ARK2C: variants seen among roughly 807,000 people sequenced by gnomAD.
The protein encoded by ARK2C is arkadia (RNF111) C-terminal like ring finger ubiquitin ligase 2C.
At chr18:46,382,878 G>A in the ARK2C span, among the ~76,000 whole-genome samples, 3 of 152,216 alleles carry the variant, frequency 2.0e-5, no homozygotes, top group South Asian at 2.1e-4. Context: ...CTCCTGGACC[G>A]TCAGAGCCTC....
At chr18:46,454,104 C>T in the ARK2C span, among the ~76,000 whole-genome samples, 3 of 115,778 alleles carry the variant, frequency 2.6e-5, no homozygotes, top group East Asian at 6.8e-4. Context: ...GAGGGCAAGG[C>T]CGTCTCAAAA....
the ARK2C span, among the ~76,000 whole-genome samples, chr18:46,439,263 A>G: frequency 6.6e-6 from 1 of 152,210 alleles, no homozygotes; most frequent in Non-Finnish European, 1.5e-5. Flanking sequence ...AAGATCTCAG[A>G]TGACATTGCA....
chr18:46,442,978 C>T, the ARK2C span, among the ~76,000 whole-genome samples: 9 of 152,176 alleles, frequency 5.9e-5, no homozygotes, highest in African/African-American at 1.9e-4. Context: ...TTCCAGTTAG[C>T]ACTTACGGGG....
the ARK2C span, among the ~76,000 whole-genome samples, chr18:46,454,342 G>C: frequency 2.6e-5 from 4 of 151,988 alleles, no homozygotes; most frequent in African/African-American, 9.7e-5. Flanking sequence ...TCAGCTAAAC[G>C]AAGGCCACTC....
chr18:46,461,646 C>CAAAAAAAAA, the ARK2C span: 1 of 85,430 alleles, frequency 1.2e-5, no homozygotes, highest in South Asian at 3.7e-4. Context: ...AAACTCAGTC[C>CAAAAAAAAA]AAAAAAAAAA....
At chr18:46,445,229 C>CT in the ARK2C span, among the ~76,000 whole-genome samples, 1 of 152,128 alleles carries the variant, frequency 6.6e-6, no homozygotes, top group African/African-American at 2.4e-5. Context: ...CAGTTTCATC[C>CT]TTTTAAGGCT....
the ARK2C span, among the ~76,000 whole-genome samples, chr18:46,429,498 T>C: frequency 1.3e-5 from 2 of 152,256 alleles, no homozygotes; most frequent in Non-Finnish European, 2.9e-5. Context: ...ATATTGCTTA[T>C]GTTATTCATA....
At chr18:46,362,203 A>G in the ARK2C span, among the ~76,000 whole-genome samples, 2 of 152,224 alleles carry the variant, frequency 1.3e-5, no homozygotes, top group Non-Finnish European at 2.9e-5. Context: ...TTTCTCCACC[A>G]GGCCATGAAG....
At chr18:46,404,787 T>TACACACACACACACAC in the ARK2C span, among the ~76,000 whole-genome samples, 34 of 150,048 alleles carry the variant, frequency 2.3e-4, no homozygotes, top group African/African-American at 3.4e-4. Context: ...CACACACACA[T>TACACACACACACACAC]ACACACACAC....
the ARK2C span, among the ~76,000 whole-genome samples, chr18:46,447,180 G>A: frequency 6.6e-6 from 1 of 152,090 alleles, no homozygotes; most frequent in Non-Finnish European, 1.5e-5. Context: ...TAAAAATATA[G>A]CCTCAGCTCC....
the ARK2C span, among the ~76,000 whole-genome samples, chr18:46,451,134 G>T: frequency 6.6e-6 from 1 of 152,164 alleles, no homozygotes; most frequent in African/African-American, 2.4e-5. Context: ...ATGGGGAAAG[G>T]GGATACCTGC....
the ARK2C span, among the ~76,000 whole-genome samples, chr18:46,456,324 G>C: frequency 6.6e-6 from 1 of 152,186 alleles, no homozygotes; most frequent in Admixed American, 6.5e-5. Context: ...GTCTGAATGC[G>C]TCTAAGACAA....
chr18:46,440,643 G>T, the ARK2C span, among the ~76,000 whole-genome samples: 1 of 152,072 alleles, frequency 6.6e-6, no homozygotes, highest in Non-Finnish European at 1.5e-5. Flanking sequence ...TTAACACAAA[G>T]AAATTTAATA....
chr18:46,419,735 G>A, the ARK2C span, among the ~76,000 whole-genome samples: 15 of 152,326 alleles, frequency 9.8e-5, no homozygotes, highest in South Asian at 1.0e-3. Context: ...GGAGCCCCTC[G>A]AGGTAACTGG....
At chr18:46,350,420 A>G in the ARK2C span, among the ~76,000 whole-genome samples, 2 of 152,156 alleles carry the variant, frequency 1.3e-5, no homozygotes, top group Admixed American at 6.5e-5. Flanking sequence ...TTGAGTCTTC[A>G]GCTGGGATGG....
At chr18:46,366,238 G>A in the ARK2C span, among the ~76,000 whole-genome samples, 1 of 136,414 alleles carries the variant, frequency 7.3e-6, no homozygotes, top group Non-Finnish European at 1.5e-5. Flanking sequence ...GTTGAAGTGA[G>A]CCAAGATCAC....
chr18:46,445,833 A>G, the ARK2C span, among the ~76,000 whole-genome samples: 1 of 152,018 alleles, frequency 6.6e-6, no homozygotes, highest in African/African-American at 2.4e-5. Context: ...TTAAAGTGGA[A>G]AGGTAAACTT....
At chr18:46,401,789 C>A in the ARK2C span, among the ~76,000 whole-genome samples, 1 of 152,250 alleles carries the variant, frequency 6.6e-6, no homozygotes, top group African/African-American at 2.4e-5. Flanking sequence ...TGGAGAGGAT[C>A]TCCTTCTATG....
chr18:46,393,083 G>A, the ARK2C span, among the ~76,000 whole-genome samples: 4 of 152,198 alleles, frequency 2.6e-5, no homozygotes, highest in African/African-American at 7.2e-5. Flanking sequence ...TGAGTCCTTC[G>A]CAATGTGAGG....
Sources: allele counts gnomAD v4.1 joint callset (sites outside exome capture counted in the v4.1 genomes callset), GRCh38; gene constraint gnomAD v4.1.1; transcripts MANE v1.5; gene names NCBI Gene and HGNC (gene_info 2026-07-23, HGNC 2026-07-21).